Variants in UTP20 observed in about 807,000 individuals in gnomAD.
UTP20 encodes the protein UTP20 small subunit processome component.
A neutral mutation model predicts 329.5 loss-of-function variants in UTP20; 164 were observed. The ratio of observed to expected loss-of-function variants is 0.50; its 90% CI spans 0.44 to 0.57. The LOEUF (loss-of-function observed/expected upper bound fraction) is 0.57, where lower values mean the gene tolerates loss of function less well. Ranked by LOEUF, UTP20 falls within the 20% of genes least tolerant of loss-of-function variation. The pLI, the probability that UTP20 is intolerant of heterozygous loss-of-function variation, is 0.00. For synonymous variants in UTP20, 1,151 were observed against 1,159.3 expected (o/e 0.99, Z 0.14); for missense variants, 3,055 against 3,284.2 (o/e 0.93, Z 1.71).
At chr12:101,361,839 G>A (rs2120999812) in intron 43 of UTP20, 123 bp from the exon 44 acceptor site, 1 of 725,208 alleles carries the variant, frequency 1.4e-6, no homozygotes, top group East Asian at 2.7e-5. Flanking sequence ...ATTTGTCGAA[G>A]CTTCTCCTGG....
chr12:101,358,343 G>A (rs758454485), intron 43 of UTP20, among the ~76,000 whole-genome samples: 24 of 152,168 alleles, frequency 1.6e-4, no homozygotes, highest in East Asian at 3.9e-4. Context: ...ATGTATTAAC[G>A]TCTCCGTATA....
rs764592255 is a variant in UTP20, at chr12:101,317,546, T to C, written c.2621T>C (p.Met874Thr). 1 of 1,614,166 alleles carries C rather than the reference T, an allele frequency of 6.2e-7. No individual in the cohort carries two copies. The highest frequency in any genetic ancestry group is 1.1e-5 in the South Asian group (1 of 91,078). ...GATCTACGGAGAAAAGGCAAAGGGA[T>C]GGTGGCAGAGGAAATCGAAGAGGAA... ...TQDLRRKGKG[M>T]VAEEIEEEPA... The change falls in exon 22 of 62, where the codon ATG becomes ACG. Residue 874 changes from methionine to threonine, a missense_variant. Transcript: ENST00000261637.
intron 47 of UTP20, among the ~76,000 whole-genome samples, chr12:101,367,538 G>A (rs951093248): frequency 1.3e-5 from 2 of 152,040 alleles, no homozygotes; most frequent in Non-Finnish European, 2.9e-5. Context: ...TTTCCTTAGA[G>A]TCTAGCTAAG....
At chr12:101,332,224 C>T (rs923049568) in intron 27 of UTP20, among the ~76,000 whole-genome samples, 1 of 152,108 alleles carries the variant, frequency 6.6e-6, no homozygotes, top group Admixed American at 6.6e-5. Context: ...GTAATCCCAG[C>T]TACTCGGGAG....
chr12:101,293,406 T>C (rs941841380), intron 11 of UTP20, among the ~76,000 whole-genome samples, 161 bp downstream of exon 11: 1 of 152,236 alleles, frequency 6.6e-6, no homozygotes, highest in Non-Finnish European at 1.5e-5. Flanking sequence ...TATTCAATTC[T>C]AGATTACTTG....
chr12:101,344,272 T>A (rs1468143449), intron 35 of UTP20, among the ~76,000 whole-genome samples: 1 of 152,220 alleles, frequency 6.6e-6, no homozygotes, highest in African/African-American at 2.4e-5. Context: ...AATGACCGGA[T>A]ACTGAATATT....
intron 54 of UTP20, among the ~76,000 whole-genome samples, chr12:101,374,302 A>G (rs1254318048): frequency 6.6e-6 from 1 of 152,212 alleles, no homozygotes; most frequent in Admixed American, 6.5e-5. Context: ...TATTGTTAGG[A>G]AAGTATTCCA....
At position 101,290,200 on chromosome 12, in the gene UTP20, G is replaced by A; in HGVS notation, c.661G>A (p.Val221Ile). ...FLDLDKHPEK[V>I]EGVGQLLFEM... The stretch of plus-strand genomic sequence containing the variant: ...TGATCTTGATAAACATCCAGAAAAA[G>A]TTGAAGGTGTTGGACAGTTGCTCTT... Residue 221 changes from valine (V) to isoleucine (I), a missense_variant, in exon 7 of 62, where the codon GTT becomes ATT. This residue lies in a region of UTP20 where 2,445 missense variants were observed against 2,575.5 expected (regional missense o/e 0.95). Coordinates refer to ENST00000261637, the MANE Select transcript of UTP20 (RefSeq NM_014503.3). 1.2e-6 allele frequency: 2 copies of A among 1,608,904 alleles called. No individual in the cohort carries two copies. The highest frequency in any genetic ancestry group is 1.7e-6 in the Non-Finnish European group (2 of 1,177,482).
chr12:101,292,245 T>A, intron 10 of UTP20, 141 bp downstream of exon 10: 2 of 969,838 alleles, frequency 2.1e-6, no homozygotes. Flanking sequence ...GGGAATTGCA[T>A]GCAGTAATGT....
chr12:101,302,649 A>G (rs1872551045), intron 15 of UTP20, 96 bp downstream of exon 15: 1 of 739,866 alleles, frequency 1.4e-6, no homozygotes, highest in African/African-American at 1.8e-5. Flanking sequence ...CCTTTGATCT[A>G]TTTTATACCT....
chr12:101,379,524 C>T lies in UTP20; in HGVS notation c.7550C>T (p.Ala2517Val). 6.2e-7 allele frequency: 1 copy of T among 1,613,692 alleles called. No individual in the cohort carries two copies. Among genetic ancestry groups the T allele is most frequent in the Non-Finnish European group, 8.5e-7 (1 of 1,179,774 alleles). ...KTKKHLPEPV[A>V]IKFLASDLDQ... ...AAAAAACACCTCCCAGAACCTGTAG[C>T]AATCAAGTTCCTAGCCAGTGACCTT... Residue 2517 changes from alanine (A) to valine (V), a missense_variant, in exon 57 of 62, where the codon GCA becomes GTA. Transcript: ENST00000261637.
Position 101,379,577 on chromosome 12 carries a change from C to A in UTP20, c.7584+19C>A. 6.3e-7 allele frequency: 1 copy of A among 1,599,652 alleles called. No homozygotes were observed. Among genetic ancestry groups the A allele is most frequent in the South Asian group, 1.1e-5 (1 of 89,926 alleles). On this transcript the variant is annotated intron_variant, in intron 57 of 61. Coordinates refer to ENST00000261637, the MANE Select transcript of UTP20 (RefSeq NM_014503.3). Reference sequence around the variant, plus strand: ...CCAAAAGGTAAGCTTTCTCTCAAACCTTTTCCTTCCCTCGTGACTGTAAGA... The same window carrying A: ...CCAAAAGGTAAGCTTTCTCTCAAACATTTTCCTTCCCTCGTGACTGTAAGA...
chr12:101,326,998 G>T, intron 25 of UTP20, 83 bp from the exon 26 acceptor site: 1 of 1,348,078 alleles, frequency 7.4e-7, no homozygotes, highest in Non-Finnish European at 1.0e-6. Context: ...CTATTGAGTT[G>T]CTCTTCTAGC....
chr12:101,328,369 A>G (rs1250374009), intron 26 of UTP20, among the ~76,000 whole-genome samples: 1 of 152,236 alleles, frequency 6.6e-6, no homozygotes, highest in Non-Finnish European at 1.5e-5. Flanking sequence ...ATAACAATTC[A>G]TATCTTTTCA....
At position 101,354,946 on chromosome 12, in the gene UTP20, C is replaced by T. The variant is rs1869668311; in HGVS notation, c.5222C>T (p.Thr1741Ile). Residue 1741 changes from threonine (T) to isoleucine (I), a missense_variant, in exon 41 of 62, where the codon ACC (threonine) becomes ATC (isoleucine). Physicochemically the swap from Thr to Ile is moderately conservative, Grantham distance 89 (BLOSUM62 -1). Coordinates refer to ENST00000261637, the MANE Select transcript of UTP20 (RefSeq NM_014503.3). Reference protein sequence around the residue: ...KSLSDNGQPGTPDPADSGGTS... With the variant: ...KSLSDNGQPGIPDPADSGGTS... ...TTGTCAGACAACGGACAACCGGGAA[C>T]CCCTGATCCAGCTGACTCTGGAGGA... 6.2e-7 allele frequency: 1 copy of T among 1,614,024 alleles called. No homozygotes were observed. The highest frequency in any genetic ancestry group is 8.5e-7 in the Non-Finnish European group (1 of 1,180,018).
chr12:101,292,133 G>A (rs745387603), intron 10 of UTP20, 29 bp downstream of exon 10: 19 of 1,606,338 alleles, frequency 1.2e-5, no homozygotes, highest in Non-Finnish European at 1.4e-5. Context: ...TATTAATTGA[G>A]CAGTTAATAA....
At position 101,373,714 on chromosome 12, in the gene UTP20, G is replaced by A. The variant is rs769744992; in HGVS notation, c.7078G>A (p.Glu2360Lys). The A allele has an allele frequency of 1.2e-5, 19 of 1,610,842 alleles. No homozygotes were observed. Among genetic ancestry groups the A allele is most frequent in the Middle Eastern group, 1.7e-4 (1 of 6,054 alleles). Residue 2360 changes from glutamate (E) to lysine (K), a missense_variant, in exon 54 of 62, where the codon GAG becomes AAG. Transcript: ENST00000261637. ...IKSLLGKISL[E>K]KKDWLFDMVT... Reference sequence around the variant, plus strand: ...GTCCCTACTTGGTAAAATCAGCCTCGAGAAAAAAGATTGGCTGTTTGATAT... The same window carrying A: ...GTCCCTACTTGGTAAAATCAGCCTCAAGAAAAAAGATTGGCTGTTTGATAT...
chr12:101,351,568 T>C (rs1441349511), intron 38 of UTP20, among the ~76,000 whole-genome samples: 2 of 147,772 alleles, frequency 1.4e-5, no homozygotes, highest in Non-Finnish European at 3.0e-5. Flanking sequence ...GCAGGGTACA[T>C]GTGCAGGATG....
intron 14 of UTP20, among the ~76,000 whole-genome samples, chr12:101,300,631 A>G (rs1035900393): frequency 1.3e-5 from 2 of 152,140 alleles, no homozygotes; most frequent in African/African-American, 2.4e-5. Flanking sequence ...AGATATTTAT[A>G]TGTCTCCCCC....
Sources: allele counts gnomAD v4.1 joint callset (sites outside exome capture counted in the v4.1 genomes callset), GRCh38; gene constraint gnomAD v4.1.1; regional missense constraint gnomAD v4.1.1; transcripts MANE v1.5; gene names NCBI Gene and HGNC (gene_info 2026-07-23, HGNC 2026-07-21).